Variants in BMPR1B observed in about 807,000 individuals in gnomAD.
BMPR1B encodes bone morphogenetic protein receptor type-1B.
A neutral mutation model predicts 59.1 loss-of-function variants in BMPR1B; 12 were observed. The ratio of observed to expected loss-of-function variants is 0.20; its 90% confidence interval spans 0.13 to 0.33. The LOEUF (loss-of-function observed/expected upper bound fraction) is 0.33, where lower values mean the gene tolerates loss of function less well. Among genes scored for constraint, BMPR1B ranks in the 10% least tolerant of loss-of-function variants. BMPR1B has a pLI of 1.00. For missense variants in BMPR1B, 550 were observed against 610.9 expected (o/e 0.90, Z 1.05); for synonymous variants, 237 against 207.3 (o/e 1.14, Z -1.23).
At chr4:94,838,075 A>G (rs988800217) in intron 1 of BMPR1B, among the ~76,000 whole-genome samples, 18 of 144,552 alleles carry the variant, frequency 1.2e-4, no homozygotes, top group African/African-American at 4.4e-4. Flanking sequence ...TGATTTGCGT[A>G]TATTGAACCA....
At chr4:94,806,721 T>G (rs1019969646) in intron 1 of BMPR1B, among the ~76,000 whole-genome samples, 2 of 152,234 alleles carry the variant, frequency 1.3e-5, no homozygotes, top group Non-Finnish European at 2.9e-5. Flanking sequence ...ACTGGCCATC[T>G]GGTTAAATTT....
intron 1 of BMPR1B, among the ~76,000 whole-genome samples, chr4:94,790,002 A>G (rs1722915520): frequency 2.0e-5 from 3 of 152,258 alleles, no homozygotes; most frequent in Middle Eastern, 3.4e-3. Flanking sequence ...AATGAGTAGT[A>G]AATATATTTT....
chr4:95,107,738 G>A (rs1324094965), intron 4 of BMPR1B, among the ~76,000 whole-genome samples: 1 of 152,184 alleles, frequency 6.6e-6, no homozygotes, highest in East Asian at 1.9e-4. Flanking sequence ...TTGTGGCCGG[G>A]ACTCCAAAGT....
chr4:94,970,305 T>TCTTCC (rs61339660), intron 2 of BMPR1B, among the ~76,000 whole-genome samples: 4 of 122,958 alleles, frequency 3.3e-5, no homozygotes, highest in African/African-American at 1.2e-4. Context: ...TCTTCTCTTC[T>TCTTCC]TTCTCTCTCT....
intron 1 of BMPR1B, among the ~76,000 whole-genome samples, chr4:94,824,475 G>T (rs1276617598): frequency 1.3e-5 from 2 of 152,172 alleles, no homozygotes; most frequent in Non-Finnish European, 2.9e-5. Flanking sequence ...TCATGGTTTA[G>T]CCCCAAATGC....
intron 3 of BMPR1B, among the ~76,000 whole-genome samples, chr4:95,049,448 TTTTTTTTTTTTTTTTTTTTTTTG>T (rs1726291277): frequency 7.7e-5 from 3 of 38,984 alleles, no homozygotes; most frequent in Admixed American, 2.6e-4. Context: ...TTTTTTTTTT[TTTTTTTTTTTTTTTTTTTTTTTG>T]CAGTTCATAT....
intron 1 of BMPR1B, among the ~76,000 whole-genome samples, chr4:94,824,419 G>C (rs1200008259): frequency 6.6e-6 from 1 of 152,234 alleles, no homozygotes; most frequent in Non-Finnish European, 1.5e-5. Flanking sequence ...CATGTGAACA[G>C]AGCAAGTATC....
At chr4:94,836,391 CTATTT>C (rs2148929204) in intron 1 of BMPR1B, among the ~76,000 whole-genome samples, 3 of 85,890 alleles carry the variant, frequency 3.5e-5, no homozygotes, top group African/African-American at 6.2e-5. Context: ...TAAAAGTGTT[CTATTT>C]CTCCACATCC....
At chr4:94,811,615 C>A (rs1025060641) in intron 1 of BMPR1B, among the ~76,000 whole-genome samples, 1 of 152,052 alleles carries the variant, frequency 6.6e-6, no homozygotes, top group African/African-American at 2.4e-5. Context: ...TTTAAAAAAT[C>A]AGGCTTATAC....
chr4:94,879,661 C>T (rs1029566600), intron 2 of BMPR1B, among the ~76,000 whole-genome samples: 6 of 152,114 alleles, frequency 3.9e-5, no homozygotes, highest in Middle Eastern at 3.4e-3. Flanking sequence ...TTCTCGTATC[C>T]AGTGATTTTT....
chr4:94,934,772 C>T (rs1729227278), intron 2 of BMPR1B, among the ~76,000 whole-genome samples: 1 of 152,002 alleles, frequency 6.6e-6, no homozygotes, highest in Non-Finnish European at 1.5e-5. Flanking sequence ...AATTTTATTC[C>T]ATCATGTTTT....
intron 1 of BMPR1B, among the ~76,000 whole-genome samples, chr4:94,805,550 G>T (rs1054617521): frequency 1.3e-5 from 2 of 152,124 alleles, no homozygotes; most frequent in African/African-American, 4.8e-5. Context: ...AATCAAACTG[G>T]TGTGTGTTTA....
intron 10 of BMPR1B, among the ~76,000 whole-genome samples, chr4:95,132,200 A>G (rs1385744633): frequency 6.6e-6 from 1 of 152,196 alleles, no homozygotes; most frequent in Non-Finnish European, 1.5e-5. Flanking sequence ...GGAAAACAAA[A>G]CAAAATGAGC....
intron 1 of BMPR1B, among the ~76,000 whole-genome samples, chr4:94,811,080 T>G (rs1275341550): frequency 6.6e-6 from 1 of 152,214 alleles, no homozygotes; most frequent in African/African-American, 2.4e-5. Flanking sequence ...AGTGACTATA[T>G]TTGGTCATGA....
intron 1 of BMPR1B, among the ~76,000 whole-genome samples, chr4:94,830,965 T>C (rs1724562901): frequency 6.6e-6 from 1 of 152,234 alleles, no homozygotes; most frequent in Non-Finnish European, 1.5e-5. Context: ...GATTCCACTT[T>C]TTGTCATTAT....
intron 1 of BMPR1B, among the ~76,000 whole-genome samples, chr4:94,785,473 A>G (rs989376568): frequency 2.0e-5 from 3 of 152,184 alleles, no homozygotes; most frequent in Non-Finnish European, 4.4e-5. Flanking sequence ...AATTTTGCAT[A>G]AGATATGGGT....
intron 3 of BMPR1B, among the ~76,000 whole-genome samples, chr4:95,011,088 A>G (rs182441813): frequency 5.3e-4 from 81 of 151,586 alleles, no homozygotes; most frequent in African/African-American, 1.9e-3. Flanking sequence ...TGTGTGTTTT[A>G]TTAAACTGTT....
chr4:94,842,988 G>A (rs1349042041), intron 1 of BMPR1B, among the ~76,000 whole-genome samples: 3 of 152,060 alleles, frequency 2.0e-5, no homozygotes, highest in East Asian at 3.9e-4. Flanking sequence ...TCATGAAACA[G>A]GGATCATAAA....
chr4:94,961,811 T>C (rs965010342), intron 2 of BMPR1B, among the ~76,000 whole-genome samples: 2 of 152,210 alleles, frequency 1.3e-5, no homozygotes, highest in African/African-American at 4.8e-5. Flanking sequence ...TTATTTTTAA[T>C]TTTTATGAAT....
Sources: gnomAD v4.1 joint callset for allele counts (sites outside exome capture counted in the v4.1 genomes callset) on GRCh38, gnomAD v4.1.1 for gene constraint, MANE v1.5 for transcripts, NCBI Gene and HGNC (gene_info 2026-07-23, HGNC 2026-07-21) for gene names.